The following ADAMTSL1 variants were observed in gnomAD, a reference collection of about 807,000 sequenced individuals.
ADAMTSL1 encodes ADAMTS-like protein 1.
Under a neutral mutation model 201.8 loss-of-function variants are expected in ADAMTSL1, and 126 were observed. The ratio of observed to expected loss-of-function variants is 0.62; its 90% CI spans 0.54 to 0.72. ADAMTSL1 has a LOEUF of 0.72. ADAMTSL1 is among the 30% of genes least tolerant of loss of function. ADAMTSL1 has a pLI of 0.00. For missense variants in ADAMTSL1, 2,679 were observed against 2,277.8 expected (o/e 1.18, Z -3.59); for synonymous variants, 1,121 against 903.4 (o/e 1.24, Z -4.32).
At chr9:18,108,112 G>C (rs961255133) in intron 1 of ADAMTSL1, among the ~76,000 whole-genome samples, 2 of 151,490 alleles carry the variant, frequency 1.3e-5, no homozygotes, top group Non-Finnish European at 2.9e-5. Context: ...TTGGTGTTTA[G>C]TTTCCTCCAA....
chr9:18,030,724 A>T (rs545244451), intron 1 of ADAMTSL1, among the ~76,000 whole-genome samples: 191 of 152,134 alleles, frequency 1.3e-3, no homozygotes, highest in Non-Finnish European at 2.2e-3. Flanking sequence ...AAAATTGGAG[A>T]AATTTTTGTG....
At chr9:18,582,442 C>T (rs1191186662) in intron 4 of ADAMTSL1, among the ~76,000 whole-genome samples, 2 of 152,136 alleles carry the variant, frequency 1.3e-5, no homozygotes. Context: ...TCCTGCAATT[C>T]CCACATGTTG....
At chr9:18,475,755 T>A (rs1283681930) in intron 1 of ADAMTSL1, among the ~76,000 whole-genome samples, 3 of 152,156 alleles carry the variant, frequency 2.0e-5, no homozygotes, top group African/African-American at 4.8e-5. Context: ...CTTTGTGATT[T>A]TTTTAAGTGT....
chr9:18,872,956 C>G (rs1421342416), intron 23 of ADAMTSL1, among the ~76,000 whole-genome samples: 2 of 152,152 alleles, frequency 1.3e-5, no homozygotes, highest in African/African-American at 2.4e-5. Flanking sequence ...AAAAGTGTTC[C>G]TTTCTACCAC....
At chr9:18,895,183 C>T (rs1829545613) in intron 26 of ADAMTSL1, among the ~76,000 whole-genome samples, 1 of 152,132 alleles carries the variant, frequency 6.6e-6, no homozygotes, top group Non-Finnish European at 1.5e-5. Flanking sequence ...TCCAGGGACA[C>T]ATTACTCCTT....
intron 13 of ADAMTSL1, among the ~76,000 whole-genome samples, chr9:18,703,283 C>T (rs1832031462): frequency 6.6e-6 from 1 of 152,110 alleles, no homozygotes. Flanking sequence ...CGCTTCCTCC[C>T]ACTTGTGGCC....
At chr9:18,266,653 C>T (rs10963542) in intron 2 of ADAMTSL1, among the ~76,000 whole-genome samples, 15 of 152,078 alleles carry the variant, frequency 9.9e-5, no homozygotes, top group East Asian at 7.7e-4. Flanking sequence ...AGTCACCCTC[C>T]GGAAGGATGG....
At chr9:18,654,293 C>A (rs1017570066) in intron 7 of ADAMTSL1, among the ~76,000 whole-genome samples, 3 of 152,196 alleles carry the variant, frequency 2.0e-5, no homozygotes, top group Non-Finnish European at 2.9e-5. Context: ...TGAATTTTAT[C>A]ATTTGATGAT....
At position 18,514,331 on chromosome 9, in the gene ADAMTSL1, T is replaced by C. The variant is rs111376458; in HGVS notation, c.191+9375T>C. 8.3e-4 allele frequency among the ~76,000 whole-genome samples: 93 copies of C among 112,650 alleles called. 2 individuals are homozygous for C. The East Asian group carries it at 0.01, about 13-fold the overall frequency. 73.9% of individuals were successfully genotyped at this position (112,650 alleles called of 152,430 possible). On this transcript the variant is annotated intron_variant, in intron 2 of 28. Coordinates refer to ENST00000380548, the MANE Select transcript of ADAMTSL1 (RefSeq NM_001040272.6). The stretch of plus-strand genomic sequence containing the variant: ...AATTGCAACTGATTTTTCTTTCTTT[T>C]TTTTTTTTTTTTTTTTTTTGAACGA...
In ADAMTSL1 at chr9:18,509,293, A is replaced by T. The variant is rs187355749; in HGVS notation, c.191+4337A>T. Among the ~76,000 whole-genome samples, 1,456 of 146,688 alleles carry T rather than the reference A, an allele frequency of 9.9e-3. 19 individuals are homozygous for T. The highest frequency in any genetic ancestry group is 0.034 in the African/African-American group (1,373 of 40,470). Reference sequence around the variant, plus strand: ...AAGACTTCGAATCAGTTTGATTTTTAAAGTTTTCAAGTTTTTTCCCTCAAC... The same window carrying T: ...AAGACTTCGAATCAGTTTGATTTTTTAAGTTTTCAAGTTTTTTCCCTCAAC... On this transcript the variant is annotated intron_variant, in intron 2 of 28. Transcript: ENST00000380548.
At chr9:18,274,335 A>G (rs1440776735) in intron 2 of ADAMTSL1, among the ~76,000 whole-genome samples, 1 of 152,096 alleles carries the variant, frequency 6.6e-6, no homozygotes, top group African/African-American at 2.4e-5. Context: ...GAGTTGTCCA[A>G]ATCTTAAAAA....
At chr9:18,903,021 A>G (rs886468879) in intron 26 of ADAMTSL1, among the ~76,000 whole-genome samples, 1 of 152,150 alleles carries the variant, frequency 6.6e-6, no homozygotes, top group Non-Finnish European at 1.5e-5. Context: ...CCTGGCCAAC[A>G]TGGCAAAACC....
chr9:18,131,751 G>A (rs190170229), intron 1 of ADAMTSL1, among the ~76,000 whole-genome samples: 40 of 152,096 alleles, frequency 2.6e-4, no homozygotes, highest in East Asian at 2.3e-3. Context: ...GATGACTCCC[G>A]AATAAAACAG....
intron 3 of ADAMTSL1, among the ~76,000 whole-genome samples, chr9:18,563,538 C>A (rs1204021792): frequency 6.6e-6 from 1 of 152,234 alleles, no homozygotes; most frequent in Non-Finnish European, 1.5e-5. Context: ...AGCTCTAGCG[C>A]TGTGCTGGGA....
intron 16 of ADAMTSL1, among the ~76,000 whole-genome samples, chr9:18,753,915 AT>A (rs994675720): frequency 1.2e-4 from 18 of 152,018 alleles, no homozygotes; most frequent in Non-Finnish European, 1.2e-4. Flanking sequence ...GTAGGCAATG[AT>A]TTTTTTTAAC....
intron 1 of ADAMTSL1, among the ~76,000 whole-genome samples, chr9:18,150,125 A>C (rs1032967879): frequency 2.6e-5 from 4 of 152,226 alleles, no homozygotes; most frequent in South Asian, 4.1e-4. Context: ...ATTTGAAATA[A>C]AGGTACATAT....
chr9:18,220,630 T>C (rs1208679083), intron 2 of ADAMTSL1, among the ~76,000 whole-genome samples: 1 of 152,170 alleles, frequency 6.6e-6, no homozygotes, highest in Non-Finnish European at 1.5e-5. Flanking sequence ...TGTTTTGATT[T>C]ATTTTTACCG....
At chr9:18,503,111 A>G (rs909169671) in intron 1 of ADAMTSL1, among the ~76,000 whole-genome samples, 1 of 151,926 alleles carries the variant, frequency 6.6e-6, no homozygotes, top group African/African-American at 2.4e-5. Flanking sequence ...CATTAAATAC[A>G]TTCACATTGT....
chr9:17,939,163 C>T (rs769306989), intron 1 of ADAMTSL1, among the ~76,000 whole-genome samples: 5 of 152,190 alleles, frequency 3.3e-5, no homozygotes, highest in African/African-American at 7.2e-5. Flanking sequence ...TTTCAGTCTC[C>T]AGAAAATTCT....
Sources: allele counts gnomAD v4.1 joint callset (sites outside exome capture counted in the v4.1 genomes callset), GRCh38; gene constraint gnomAD v4.1.1; transcripts MANE v1.5; gene names NCBI Gene and HGNC (gene_info 2026-07-23, HGNC 2026-07-21).